The following AKAP13 variants were observed in gnomAD, a reference collection of about 807,000 sequenced individuals.
The protein encoded by AKAP13 is A-kinase anchoring protein 13, also known as A-kinase anchor protein 13.
AKAP13 carries 80 observed loss-of-function variants against 264.5 expected under a neutral mutation model. The observed-to-expected ratio is 0.30, with a 90% confidence interval of 0.25 to 0.36. AKAP13 has a LOEUF of 0.36. AKAP13 is among the 10% of genes least tolerant of loss of function. The pLI, the probability that AKAP13 is intolerant of heterozygous loss-of-function variation, is 1.00. For synonymous variants in AKAP13, 1,380 were observed against 1,250.2 expected (o/e 1.10, Z -2.19); for missense variants, 3,712 against 3,435.2 (o/e 1.08, Z -2.01).
At chr15:85,490,147 G>C (rs1010687112) in intron 2 of AKAP13, among the ~76,000 whole-genome samples, 1 of 152,198 alleles carries the variant, frequency 6.6e-6, no homozygotes, top group Non-Finnish European at 1.5e-5. Flanking sequence ...TTCTTGGTAT[G>C]AGGGCCTGGA....
chr15:85,500,671 T>TC (rs201132883), intron 2 of AKAP13, among the ~76,000 whole-genome samples: 5 of 152,056 alleles, frequency 3.3e-5, no homozygotes, highest in East Asian at 1.9e-4. Flanking sequence ...CAGACACATT[T>TC]CCCCCCCAGA....
chr15:85,541,093 T>C (rs1340978160), intron 4 of AKAP13, among the ~76,000 whole-genome samples: 1 of 152,246 alleles, frequency 6.6e-6, no homozygotes, highest in Non-Finnish European at 1.5e-5. Flanking sequence ...TAATTTTCTA[T>C]ATGTTGGTAC....
intron 4 of AKAP13, chr15:85,535,797 C>T (rs904928698): frequency 6.9e-6 from 1 of 145,098 alleles, no homozygotes; most frequent in African/African-American, 2.7e-5. Context: ...CTCTTTCTCT[C>T]TCTTTTTTTT....
At chr15:85,647,882 T>A (rs1476732776) in intron 10 of AKAP13, among the ~76,000 whole-genome samples, 1 of 151,844 alleles carries the variant, frequency 6.6e-6, no homozygotes, top group Non-Finnish European at 1.5e-5. Context: ...GAGCCGAGAT[T>A]GTGCCACTGC....
chr15:85,671,643 T>C (rs955481182), intron 14 of AKAP13, among the ~76,000 whole-genome samples: 1 of 152,016 alleles, frequency 6.6e-6, no homozygotes, highest in Non-Finnish European at 1.5e-5. Flanking sequence ...TTTGGATTTT[T>C]TTTTTTTTTT....
chr15:85,581,586 A>G lies in AKAP13; in HGVS notation c.3518A>G (p.Asp1173Gly). 6.2e-7 allele frequency: 1 copy of G among 1,614,194 alleles called. No homozygotes were observed. Among genetic ancestry groups the G allele is most frequent in the Non-Finnish European group, 8.5e-7 (1 of 1,180,036 alleles). The change falls in exon 7 of 37, where the codon GAC (aspartate) becomes GGC (glycine). Residue 1173 changes from aspartate (D) to glycine (G), a missense_variant. Transcript: ENST00000394518. Reference sequence around the variant, plus strand: ...GCAGACCACAGCTGTACCATGGGTGACGCTGAGGAAGCCCAAATAGACGAT... The same window carrying G: ...GCAGACCACAGCTGTACCATGGGTGGCGCTGAGGAAGCCCAAATAGACGAT... ...EGADHSCTMG[D>G]AEEAQIDDEA...
intron 2 of AKAP13, among the ~76,000 whole-genome samples, chr15:85,518,100 A>G (rs1395467345): frequency 2.0e-5 from 3 of 152,196 alleles, no homozygotes; most frequent in Non-Finnish European, 4.4e-5. Flanking sequence ...TGATGTGTCT[A>G]TTTATTCTTG....
intron 4 of AKAP13, among the ~76,000 whole-genome samples, chr15:85,539,515 G>A (rs959962250): frequency 3.3e-5 from 5 of 152,194 alleles, no homozygotes; most frequent in African/African-American, 9.7e-5. Flanking sequence ...TGGGGGGATT[G>A]ATGGGGTAGG....
chr15:85,642,207 A>G (rs2082338304), intron 9 of AKAP13, among the ~76,000 whole-genome samples: 2 of 152,244 alleles, frequency 1.3e-5, no homozygotes, highest in African/African-American at 4.8e-5. Context: ...AGTTCTGGTT[A>G]CTGTATGTAT....
At chr15:85,647,675 A>G (rs925168496) in intron 10 of AKAP13, among the ~76,000 whole-genome samples, 1 of 152,038 alleles carries the variant, frequency 6.6e-6, no homozygotes. Context: ...ACCGGGCGCA[A>G]TGGCTCACGC....
chr15:85,744,457 T>G (rs2089300708), intron 36 of AKAP13, 171 bp from the exon 37 acceptor site: 5 of 696,410 alleles, frequency 7.2e-6, no homozygotes, highest in Non-Finnish European at 1.3e-5. Context: ...GGATATCACT[T>G]AAGAACCTTA....
At chr15:85,663,969 A>G (rs979564953) in intron 12 of AKAP13, among the ~76,000 whole-genome samples, 2 of 152,224 alleles carry the variant, frequency 1.3e-5, no homozygotes, top group African/African-American at 2.4e-5. Flanking sequence ...GCAACTAACA[A>G]TTCTCGAGAA....
Position 85,466,898 on chromosome 15 carries a change from T to G in AKAP13, c.-11-18812T>G, listed in dbSNP as rs1234095741. ...TCCACTGCTATTTTTACAACATGAT[T>G]TTTATTTTGTTTACCATCCCTTCAC... On this transcript the variant is annotated intron_variant, in intron 1 of 36. Coordinates refer to ENST00000394518, the MANE Select transcript of AKAP13 (RefSeq NM_007200.5). Among the ~76,000 whole-genome samples, 5 of 152,294 alleles carry G rather than the reference T, an allele frequency of 3.3e-5. No homozygotes were observed. In the East Asian group the frequency reaches 9.6e-4, roughly 29 times the overall value.
intron 2 of AKAP13, among the ~76,000 whole-genome samples, chr15:85,496,344 G>A (rs1013377617): frequency 2.0e-5 from 3 of 152,090 alleles, no homozygotes; most frequent in South Asian, 2.1e-4. Context: ...TTCAGCCTCC[G>A]TGAAGACTTG....
chr15:85,701,480 C>T (rs968336367), intron 17 of AKAP13, among the ~76,000 whole-genome samples: 1 of 152,142 alleles, frequency 6.6e-6, no homozygotes. Flanking sequence ...CACTCTGTCA[C>T]CTAGGCTGGA....
intron 12 of AKAP13, among the ~76,000 whole-genome samples, chr15:85,662,872 A>T (rs1490856881): frequency 6.6e-6 from 1 of 152,182 alleles, no homozygotes; most frequent in Non-Finnish European, 1.5e-5. Context: ...ATCGTTTCAT[A>T]TTCTTCTCTC....
At position 85,743,796 on chromosome 15, in the gene AKAP13, A is replaced by C; in HGVS notation, c.8363A>C (p.Lys2788Thr). Residue 2788 changes from lysine (K) to threonine (T), a missense_variant, in exon 36 of 37, where the codon AAG becomes ACG. This residue lies in a region of AKAP13 where 611 missense variants were observed against 539.3 expected (regional missense o/e 1.13). Transcript: ENST00000394518. ...KPKEKKEKKK[K>T]NKTSRSQPGD... ...AAGGAAAAGAAGGAGAAAAAAAAGA[A>C]GAACAAAACCAGCCGCTCTCAGCCC... The C allele has an allele frequency of 6.2e-7, 1 of 1,612,288 alleles. No homozygotes were observed. The highest frequency in any genetic ancestry group is 8.5e-7 in the Non-Finnish European group (1 of 1,179,318).
At position 85,580,062 on chromosome 15, in the gene AKAP13, C is replaced by G. The variant is rs2079121966; in HGVS notation, c.1994C>G (p.Ser665Cys). The change falls in exon 7 of 37, where the codon TCT becomes TGT. Residue 665 changes from serine (S) to cysteine (C), a missense_variant. Ser to Cys is a moderately radical substitution (Grantham distance 112). This residue lies in a region of AKAP13 where 2,759 missense variants were observed against 2,411.7 expected (regional missense o/e 1.14). Transcript: ENST00000394518. ...TTGDDKLCAD[S>C]ACQQNTVTSS... ...GGAGACGATAAACTTTGTGCAGACT[C>G]TGCATGTCAACAGAACACAGTGACT... The G allele has an allele frequency of 6.2e-7, 1 of 1,614,214 alleles. No individual in the cohort carries two copies. Among genetic ancestry groups the G allele is most frequent in the Non-Finnish European group, 8.5e-7 (1 of 1,180,034 alleles).
Position 85,708,255 on chromosome 15 carries a change from ATCT to A in AKAP13, c.5532+177_5532+179del, listed in dbSNP as rs527922457. Among the ~76,000 whole-genome samples the A allele has an allele frequency of 1.1e-4, 17 of 152,356 alleles. No individual in the cohort carries two copies. The highest frequency in any genetic ancestry group is 1.0e-3 in the South Asian group (5 of 4,832). Reference sequence around the variant, plus strand: ...AAATATTTTTTCTCTTAAGCGATCAATCTTCTTCTTGAGTAACACTGGAGAATT... The same window carrying A: ...AAATATTTTTTCTCTTAAGCGATCAATCTTCTTGAGTAACACTGGAGAATT... On this transcript the variant is annotated intron_variant, in intron 18 of 36. Coordinates refer to ENST00000394518, the MANE Select transcript of AKAP13 (RefSeq NM_007200.5). This position sits in a 1 kb window ranked among gnomAD's most constrained non-coding sequence, Gnocchi z 4.3.
Sources: allele counts gnomAD v4.1 joint callset (sites outside exome capture counted in the v4.1 genomes callset), GRCh38; gene constraint gnomAD v4.1.1; regional missense constraint gnomAD v4.1.1; non-coding constraint Gnocchi (gnomAD v3.1); transcripts MANE v1.5; gene names NCBI Gene and HGNC (gene_info 2026-07-23, HGNC 2026-07-21).